CEP43: variants seen among roughly 807,000 people sequenced by gnomAD.
The protein encoded by CEP43 is centrosomal protein 43, also known as FGFR1 oncogene partner.
A neutral mutation model predicts 52.6 loss-of-function variants in CEP43; 36 were observed. That is an observed-to-expected ratio of 0.68 (90% CI 0.52 to 0.90). The LOEUF (loss-of-function observed/expected upper bound fraction) is 0.90. CEP43 is among the 40% of genes least tolerant of loss of function. CEP43 has a pLI of 0.00. For synonymous variants in CEP43, 192 were observed against 172.4 expected (o/e 1.11, Z -0.89); for missense variants, 506 against 472.8 (o/e 1.07, Z -0.65).
At position 167,041,498 on chromosome 6, in the gene CEP43, C is replaced by T; in HGVS notation, c.*1520C>T. 1.0e-5 allele frequency: 11 copies of T among 1,056,494 alleles called. No individual in the cohort carries two copies. The highest frequency in any genetic ancestry group is 1.1e-5 in the Non-Finnish European group (10 of 873,750). 65.4% of individuals were successfully genotyped at this position (1,056,494 alleles called of 1,614,324 possible). A position where few individuals can be genotyped will look rare whatever the true frequency, so the allele number is the denominator to read the frequency against. On this transcript the variant is annotated 3_prime_UTR_variant, in exon 13 of 13. Coordinates refer to ENST00000366847, the MANE Select transcript of CEP43 (RefSeq NM_007045.4). Reference sequence around the variant, plus strand: ...CGTGCAGATGTAATCTTGTTGCAGTCCCCCAGTGTGGTTGTTATAAAATGC... The same window carrying T: ...CGTGCAGATGTAATCTTGTTGCAGTTCCCCAGTGTGGTTGTTATAAAATGC...
chr6:167,022,759 A>G (rs766595843), intron 8 of CEP43, 124 bp downstream of exon 8: 322 of 693,744 alleles, frequency 4.6e-4, no homozygotes, highest in Non-Finnish European at 6.7e-4. Flanking sequence ...AAATCTGACT[A>G]TGCGTTGTTA....
intron 7 of CEP43, 70 bp downstream of exon 7, chr6:167,013,637 A>G: frequency 8.1e-7 from 1 of 1,241,446 alleles, no homozygotes; most frequent in Admixed American, 1.9e-5. Context: ...GGCCTCCTGG[A>G]GCGCTGGGCT....
chr6:167,030,378 T>C (rs1780441747), intron 10 of CEP43, among the ~76,000 whole-genome samples: 1 of 152,198 alleles, frequency 6.6e-6, no homozygotes, highest in South Asian at 2.1e-4. Context: ...CAGCCACATA[T>C]GTAGTTTGTT....
intron 5 of CEP43, among the ~76,000 whole-genome samples, chr6:167,008,406 A>C (rs963078496): frequency 1.3e-5 from 2 of 152,034 alleles, no homozygotes; most frequent in African/African-American, 4.8e-5. Context: ...ACACATGGAA[A>C]TTTACTGAGG....
intron 12 of CEP43, among the ~76,000 whole-genome samples, chr6:167,039,543 G>C (rs973495226): frequency 6.6e-6 from 1 of 152,192 alleles, no homozygotes; most frequent in African/African-American, 2.4e-5. Context: ...TTGCAATTCG[G>C]AATTGTGCTG....
intron 10 of CEP43, among the ~76,000 whole-genome samples, chr6:167,031,684 G>A (rs374968004): frequency 7.5e-4 from 114 of 152,284 alleles, no homozygotes; most frequent in Non-Finnish European, 1.4e-3. Flanking sequence ...TGCATCTTCT[G>A]CATGTGGCTG....
chr6:167,049,088 A>G lies in CEP43; in HGVS notation c.*9110A>G, dbSNP rs1197225120. On this transcript the variant is annotated 3_prime_UTR_variant, in exon 13 of 13. Transcript: ENST00000366847. ...AGTCATATAGAACGTTTGCTGTTTA[A>G]TGTAGCACAGATGTATCAAAAAGCC... 2 of 152,262 alleles carry G rather than the reference A, an allele frequency of 1.3e-5. No individual in the cohort carries two copies. The highest frequency in any genetic ancestry group is 2.9e-5 in the Non-Finnish European group (2 of 68,052). 9.4% of individuals were successfully genotyped at this position (152,262 alleles called of 1,614,324 possible). A position where few individuals can be genotyped will look rare whatever the true frequency, so the allele number is the denominator to read the frequency against.
intron 11 of CEP43, 117 bp from the exon 12 acceptor site, chr6:167,033,758 G>C: frequency 2.1e-6 from 1 of 479,978 alleles, no homozygotes; most frequent in Non-Finnish European, 3.6e-6. Flanking sequence ...ATTAATTATA[G>C]TTAATATTAT....
At chr6:167,027,813 G>C (rs1780386089) in intron 10 of CEP43, 1 of 923,796 alleles carries the variant, frequency 1.1e-6, no homozygotes, top group Non-Finnish European at 1.3e-6. Context: ...TGGCATGGTA[G>C]GTGCCTAGTA....
At chr6:167,036,028 G>A in intron 12 of CEP43, 1 of 981,120 alleles carries the variant, frequency 1.0e-6, no homozygotes, top group African/African-American at 1.7e-5. Flanking sequence ...AGTCACAATA[G>A]ACATTTCTGT....
intron 2 of CEP43, among the ~76,000 whole-genome samples, chr6:167,000,949 G>C (rs542888942): frequency 3.9e-5 from 6 of 152,336 alleles, no homozygotes; most frequent in African/African-American, 1.4e-4. Flanking sequence ...TCAATCCTGT[G>C]GATTGCTGAT....
intron 5 of CEP43, 97 bp downstream of exon 5, chr6:167,004,498 T>A: frequency 9.9e-7 from 1 of 1,015,126 alleles, no homozygotes; most frequent in Non-Finnish European, 1.3e-6. Context: ...AAGGTTTTCA[T>A]ACTAGAAGAT....
intron 7 of CEP43, among the ~76,000 whole-genome samples, chr6:167,019,213 G>A (rs1780169132): frequency 6.6e-6 from 1 of 152,142 alleles, no homozygotes; most frequent in Non-Finnish European, 1.5e-5. Context: ...AAGCGCTGTT[G>A]TGGGTTGAGC....
In CEP43 at chr6:167,002,359, A is replaced by G. The variant is rs559437937; in HGVS notation, c.157-834A>G. ...CATTAATACATTGTACAGATATGAC[A>G]GTTTAGCCATTACCTGCTGACAGAC... is the stretch of plus-strand genomic sequence containing the variant. On this transcript the variant is annotated intron_variant, in intron 2 of 12. Coordinates refer to ENST00000366847, the MANE Select transcript of CEP43 (RefSeq NM_007045.4). Among the ~76,000 whole-genome samples the G allele has an allele frequency of 5.9e-5, 9 of 152,324 alleles. No homozygotes were observed. The East Asian group carries it at 1.7e-3, about 29-fold the overall frequency.
intron 10 of CEP43, among the ~76,000 whole-genome samples, chr6:167,029,728 T>G (rs1483644134): frequency 6.6e-6 from 1 of 152,242 alleles, no homozygotes; most frequent in Non-Finnish European, 1.5e-5. Flanking sequence ...CAAACAGTCT[T>G]TGTGTGAGCA....
chr6:167,040,887 T>G lies in CEP43; in HGVS notation c.*909T>G, dbSNP rs1780680942. On this transcript the variant is annotated 3_prime_UTR_variant, in exon 13 of 13. Coordinates refer to ENST00000366847, the MANE Select transcript of CEP43 (RefSeq NM_007045.4). The stretch of plus-strand genomic sequence containing the variant: ...GACAAGCTTTATATACTGTACATAA[T>G]TTCATTGTAACCCTTAAAAATAGAG... The G allele has an allele frequency of 8.8e-6, 9 of 1,024,250 alleles. No homozygotes were observed. The highest frequency in any genetic ancestry group is 1.1e-5 in the Non-Finnish European group (9 of 852,596). 63.4% of individuals were successfully genotyped at this position (1,024,250 alleles called of 1,614,324 possible). A position where few individuals can be genotyped will look rare whatever the true frequency, so the allele number is the denominator to read the frequency against.
intron 5 of CEP43, among the ~76,000 whole-genome samples, chr6:167,006,283 G>A (rs1457980446): frequency 2.6e-5 from 4 of 152,192 alleles, no homozygotes; most frequent in African/African-American, 7.2e-5. Flanking sequence ...TTGGGAGGCC[G>A]AGGTGGGCGA....
rs1262293600 is a variant in CEP43, at chr6:167,041,599, AC to A, written c.*1622del. ...GTTCTGGTCCCCTGGAATCTGGATC[AC>A]ATGTATGATTTATTTTTAATATTTG... On this transcript the variant is annotated 3_prime_UTR_variant, in exon 13 of 13. Transcript: ENST00000366847. 1.9e-6 allele frequency: 2 copies of A among 1,045,968 alleles called. No homozygotes were observed. The highest frequency in any genetic ancestry group is 3.3e-5 in the African/African-American group (2 of 60,028). 64.8% of individuals were successfully genotyped at this position (1,045,968 alleles called of 1,614,324 possible).
At chr6:167,037,773 G>T (rs1583293914) in intron 12 of CEP43, among the ~76,000 whole-genome samples, 1 of 152,332 alleles carries the variant, frequency 6.6e-6, no homozygotes, top group East Asian at 1.9e-4. Context: ...CTATTCTTGT[G>T]CGTTATTACC....
Sources: allele counts gnomAD v4.1 joint callset (sites outside exome capture counted in the v4.1 genomes callset), GRCh38; gene constraint gnomAD v4.1.1; transcripts MANE v1.5; gene names NCBI Gene and HGNC (gene_info 2026-07-23, HGNC 2026-07-21).